Variants in SV2B observed in about 807,000 individuals in gnomAD.
SV2B encodes the protein solute carrier family 22 member B2.
SV2B carries 41 observed loss-of-function variants against 73.9 expected under a neutral mutation model. That is an observed-to-expected ratio of 0.56 (90% confidence interval 0.43 to 0.72). SV2B has a LOEUF of 0.72. Among genes scored for constraint, SV2B ranks in the 30% least tolerant of loss-of-function variants. The probability of loss-of-function intolerance (pLI) is 0.00; values close to 1 mark genes in which losing one functional copy is unlikely to be tolerated. For synonymous variants in SV2B, 314 were observed against 314.2 expected, an observed-to-expected ratio of 1.00 and a Z score of 0.01; for missense variants, 764 against 857.8, an observed-to-expected ratio of 0.89 and a Z score of 1.37.
rs73517607 is a variant in SV2B at position 91,219,620 on chromosome 15, G to C, written c.-391-6253G>C. Among the ~76,000 whole-genome samples, 775 of 152,214 alleles carry C rather than the reference G, an allele frequency of 5.1e-3. 6 individuals carry two copies. The highest frequency in any genetic ancestry group is 0.018 in the African/African-American group (737 of 41,530). Reference sequence around the variant, plus strand: ...TTGGGGGTGGGGCAGCAGCTTTATTGAGGTATATTTTATATACCATAAAAT... The same window carrying C: ...TTGGGGGTGGGGCAGCAGCTTTATTCAGGTATATTTTATATACCATAAAAT... On this transcript the variant is annotated intron_variant, in intron 1 of 12. Transcript: ENST00000394232.
intron 1 of SV2B, among the ~76,000 whole-genome samples, chr15:91,187,828 T>C (rs529786183): frequency 2.4e-4 from 36 of 152,310 alleles, no homozygotes; most frequent in African/African-American, 8.2e-4. Flanking sequence ...ATGCTGACTA[T>C]ATTTCTTTTA....
intron 1 of SV2B, among the ~76,000 whole-genome samples, chr15:91,209,560 C>T (rs2045778867): frequency 2.0e-5 from 3 of 152,214 alleles, no homozygotes; most frequent in Non-Finnish European, 4.4e-5. Context: ...TTTCATCACA[C>T]TATTAGCTGA....
chr15:91,258,631 T>A lies in SV2B; in HGVS notation c.918+77T>A. The A allele has an allele frequency of 1.3e-6, 2 of 1,595,534 alleles. No individual in the cohort carries two copies. The highest frequency in any genetic ancestry group is 1.7e-6 in the Non-Finnish European group (2 of 1,170,378). ...CCCAGCCTCGCTTCCTTCTCTCAGCTCCTAGTCCCACATCCTCTGCTGCTT... is the reference window on the plus strand; with the variant it reads ...CCCAGCCTCGCTTCCTTCTCTCAGCACCTAGTCCCACATCCTCTGCTGCTT... On this transcript the variant is annotated intron_variant, in intron 5 of 12. Coordinates refer to ENST00000394232, the MANE Select transcript of SV2B (RefSeq NM_001323032.3). This position sits in a 1 kb window ranked among gnomAD's most constrained non-coding sequence, Gnocchi z 4.7.
At position 91,132,031 on chromosome 15, in the gene SV2B, T is replaced by A. The variant is rs1037393541; in HGVS notation, c.-392+31668T>A. On this transcript the variant is annotated intron_variant, in intron 1 of 12. Coordinates refer to ENST00000394232, the MANE Select transcript of SV2B (RefSeq NM_001323032.3). The surrounding 1 kb of genome is among the most constrained non-coding windows in gnomAD (Gnocchi z 4.6). Reference sequence around the variant, plus strand: ...GATGTCACTGGTAGAGGGTCGTGACTGCAAGTTATTGAGGTTCTTGGTGTT... The same window carrying A: ...GATGTCACTGGTAGAGGGTCGTGACAGCAAGTTATTGAGGTTCTTGGTGTT... Among the ~76,000 whole-genome samples, 1 of 152,186 alleles carries A rather than the reference T, an allele frequency of 6.6e-6. No homozygotes were observed. The highest frequency in any genetic ancestry group is 1.5e-5 in the Non-Finnish European group (1 of 68,036).
rs555652260 is a variant in SV2B at position 91,270,792 on chromosome 15, A to C, written c.1373+2187A>C. 2.2e-4 allele frequency among the ~76,000 whole-genome samples: 29 copies of C among 133,450 alleles called. No individual in the cohort carries two copies. The South Asian group carries it at 5.4e-3, about 25-fold the overall frequency. 87.5% of individuals were successfully genotyped at this position (133,450 alleles called of 152,430 possible). Reference sequence around the variant, plus strand: ...GTTGAATCCTGTGGATGATGGGGGGATGGTGAATCCTGTGGATGATGGGGG... The same window carrying C: ...GTTGAATCCTGTGGATGATGGGGGGCTGGTGAATCCTGTGGATGATGGGGG... On this transcript the variant is annotated intron_variant, in intron 9 of 12. Transcript: ENST00000394232.
chr15:91,200,331 A>G (rs1246088039), intron 1 of SV2B, among the ~76,000 whole-genome samples: 1 of 152,238 alleles, frequency 6.6e-6, no homozygotes, highest in Non-Finnish European at 1.5e-5. Context: ...GTTTAGGGAT[A>G]TTGATCGGGC....
At chr15:91,287,875 AGGG>A (rs1024905028) in intron 11 of SV2B, among the ~76,000 whole-genome samples, 3 of 152,178 alleles carry the variant, frequency 2.0e-5, no homozygotes, top group African/African-American at 7.2e-5. Flanking sequence ...TGTGAGGACA[AGGG>A]GGGATAATTG....
Position 91,267,601 on chromosome 15 carries a change from A to G in SV2B, c.1166A>G (p.Asn389Ser). The G allele has an allele frequency of 6.2e-7, 1 of 1,613,468 alleles. No individual in the cohort carries two copies. Among genetic ancestry groups the G allele is most frequent in the Non-Finnish European group, 8.5e-7 (1 of 1,179,690 alleles). The change falls in exon 8 of 13, where the codon AAT becomes AGT. Residue 389 changes from asparagine to serine, a missense_variant. Coordinates refer to ENST00000394232, the MANE Select transcript of SV2B (RefSeq NM_001323032.3). The surrounding 1 kb of genome is among the most constrained non-coding windows in gnomAD (Gnocchi z 4.3). ...LYCVMGPYRM[N>S]TLILAVVWFA... The stretch of plus-strand genomic sequence containing the variant: ...TGTGTGATGGGGCCCTACAGAATGA[A>G]TACACTGATTCTGGCCGTGGTTTGG...
At chr15:91,191,059 G>GGTTTTTTT (rs2044993188) in intron 1 of SV2B, among the ~76,000 whole-genome samples, 1 of 59,734 alleles carries the variant, frequency 1.7e-5, no homozygotes, top group African/African-American at 5.9e-5. Context: ...TTTTTTTGGT[G>GGTTTTTTT]TTTCTTTTTT....
chr15:91,112,085 G>A (rs777127951), intron 1 of SV2B, among the ~76,000 whole-genome samples: 2 of 150,638 alleles, frequency 1.3e-5, no homozygotes, highest in Non-Finnish European at 3.0e-5. Flanking sequence ...GTCATCTGCT[G>A]TGGCCAAAAC....
chr15:91,136,796 G>C lies in SV2B; in HGVS notation c.-392+36433G>C. On this transcript the variant is annotated intron_variant, in intron 1 of 12. Coordinates refer to ENST00000394232, the MANE Select transcript of SV2B (RefSeq NM_001323032.3). The surrounding 1 kb of genome is among the most constrained non-coding windows in gnomAD (Gnocchi z 5.6). ...CTGCTGTGCCAAGAGGCATCTGAAGGCTGGCACATGGGATCCAGAGGTGGG... is the reference window on the plus strand; with the variant it reads ...CTGCTGTGCCAAGAGGCATCTGAAGCCTGGCACATGGGATCCAGAGGTGGG... 6.6e-6 allele frequency among the ~76,000 whole-genome samples: 1 copy of C among 152,166 alleles called. No individual in the cohort carries two copies. The highest frequency in any genetic ancestry group is 1.9e-4 in the East Asian group (1 of 5,186).
intron 1 of SV2B, among the ~76,000 whole-genome samples, chr15:91,162,065 C>CT (rs896299129): frequency 6.6e-5 from 10 of 151,990 alleles, no homozygotes; most frequent in East Asian, 3.9e-4. Flanking sequence ...AATGAATTAC[C>CT]TTTTTTTTGG....
At chr15:91,183,402 T>C (rs567157728) in intron 1 of SV2B, among the ~76,000 whole-genome samples, 2 of 152,340 alleles carry the variant, frequency 1.3e-5, no homozygotes, top group Non-Finnish European at 2.9e-5. Context: ...CTTAATTACA[T>C]AGACACTTCC....
Position 91,253,960 on chromosome 15 carries a change from A to C in SV2B, c.784+1440A>C, listed in dbSNP as rs2047586056. On this transcript the variant is annotated intron_variant, in intron 4 of 12. Coordinates refer to ENST00000394232, the MANE Select transcript of SV2B (RefSeq NM_001323032.3). The surrounding 1 kb of genome is among the most constrained non-coding windows in gnomAD (Gnocchi z 5.0). ...GAAAAAATATGAAAAGGAATAGTGA[A>C]ATAAAGAGTTGAAGAGTTTTCCAGC... Among the ~76,000 whole-genome samples the C allele has an allele frequency of 6.6e-6, 1 of 152,194 alleles. No homozygotes were observed. The highest frequency in any genetic ancestry group is 1.5e-5 in the Non-Finnish European group (1 of 68,040).
At chr15:91,146,865 G>A (rs992453095) in intron 1 of SV2B, among the ~76,000 whole-genome samples, 9 of 152,218 alleles carry the variant, frequency 5.9e-5, no homozygotes, top group Non-Finnish European at 1.3e-4. Flanking sequence ...TATAGTGACT[G>A]TGTGATTTTT....
intron 11 of SV2B, among the ~76,000 whole-genome samples, chr15:91,286,149 C>T (rs2048853447): frequency 6.6e-6 from 1 of 152,178 alleles, no homozygotes; most frequent in African/African-American, 2.4e-5. Context: ...TCTCTCTACC[C>T]TTCAATCTTT....
chr15:91,215,262 T>C (rs150625895), intron 1 of SV2B, among the ~76,000 whole-genome samples: 2 of 152,336 alleles, frequency 1.3e-5, no homozygotes, highest in African/African-American at 2.4e-5. Context: ...AATGAAACTG[T>C]TTCCTGGGGT....
At chr15:91,213,904 C>T (rs575218261) in intron 1 of SV2B, among the ~76,000 whole-genome samples, 24 of 152,212 alleles carry the variant, frequency 1.6e-4, no homozygotes, top group Non-Finnish European at 2.6e-4. Context: ...GCTGTGCTGG[C>T]CCCCAAAAGG....
At chr15:91,148,106 A>C (rs2043201477) in intron 1 of SV2B, among the ~76,000 whole-genome samples, 1 of 147,956 alleles carries the variant, frequency 6.8e-6, no homozygotes, top group Non-Finnish European at 1.5e-5. Context: ...TCAGCCTTCC[A>C]AGTAGCTGGG....
Sources: gnomAD v4.1 joint callset for allele counts (sites outside exome capture counted in the v4.1 genomes callset) on GRCh38, gnomAD v4.1.1 for gene constraint, Gnocchi (gnomAD v3.1) non-coding constraint, MANE v1.5 for transcripts, NCBI Gene and HGNC (gene_info 2026-07-23, HGNC 2026-07-21) for gene names.